WWOX: variants seen among roughly 807,000 people sequenced by gnomAD.
The protein encoded by WWOX is WW domain-containing oxidoreductase.
WWOX carries 69 observed loss-of-function variants against 46.2 expected under a neutral mutation model. That is an observed-to-expected ratio of 1.49 (90% CI 1.23 to 1.82). The LOEUF (loss-of-function observed/expected upper bound fraction) is 1.82, where lower values mean the gene tolerates loss of function less well. WWOX is among the 40% of genes most tolerant of loss of function. The pLI is 0.00. For synonymous variants in WWOX, 359 were observed against 202.6 expected (o/e 1.77, Z -6.56); for missense variants, 919 against 542.6 (o/e 1.69, Z -6.89).
rs554793579 is a variant in WWOX at position 78,989,373 on chromosome 16, T to C, written c.1057-222235T>C. 1.4e-3 allele frequency among the ~76,000 whole-genome samples: 217 copies of C among 152,198 alleles called. 2 individuals are homozygous for C. Among genetic ancestry groups the C allele is most frequent in the Non-Finnish European group, 2.4e-3 (165 of 68,028 alleles). ...TCTTTGCTTCCTTGGATCCCCAAGA[T>C]AGAATGGCCCTGATGCAGTCAAACC... On this transcript the variant is annotated intron_variant, in intron 8 of 8. Coordinates refer to ENST00000566780, the MANE Select transcript of WWOX (RefSeq NM_016373.4).
chr16:78,749,696 T>C (rs1335005261), intron 8 of WWOX, among the ~76,000 whole-genome samples: 1 of 152,166 alleles, frequency 6.6e-6, no homozygotes, highest in Non-Finnish European at 1.5e-5. Context: ...TAGGTGTCAT[T>C]TAATATATAT....
chr16:79,015,461 T>C (rs78196495), intron 8 of WWOX, among the ~76,000 whole-genome samples: 84 of 152,328 alleles, frequency 5.5e-4, no homozygotes, highest in Non-Finnish European at 1.0e-3. Context: ...AACCTGAGTG[T>C]CTGCTGCATA....
At chr16:78,825,316 C>G in intron 8 of WWOX, 1 of 301,084 alleles carries the variant, frequency 3.3e-6, no homozygotes, top group African/African-American at 2.2e-5. Context: ...GGATGTTGGT[C>G]GCTGATGGCA....
intron 8 of WWOX, among the ~76,000 whole-genome samples, chr16:78,998,642 T>G (rs2047035713): frequency 6.6e-6 from 1 of 152,226 alleles, no homozygotes; most frequent in Non-Finnish European, 1.5e-5. Context: ...ATTAGATGAC[T>G]TTGATGTGTG....
chr16:78,416,921 A>T (rs1048092682), intron 6 of WWOX, among the ~76,000 whole-genome samples: 1 of 152,196 alleles, frequency 6.6e-6, no homozygotes, highest in African/African-American at 2.4e-5. Flanking sequence ...TGAGTCAGGT[A>T]AGGAAAATAA....
intron 8 of WWOX, among the ~76,000 whole-genome samples, chr16:78,749,449 C>G (rs895020288): frequency 6.6e-6 from 1 of 152,172 alleles, no homozygotes; most frequent in African/African-American, 2.4e-5. Flanking sequence ...CCAAAATAGT[C>G]AAACTGAGGT....
intron 8 of WWOX, among the ~76,000 whole-genome samples, chr16:79,122,174 C>A (rs1245738826): frequency 6.6e-6 from 1 of 152,236 alleles, no homozygotes; most frequent in Non-Finnish European, 1.5e-5. Context: ...CCGCCACTTG[C>A]TTCTAAACCT....
chr16:78,786,945 A>T (rs2050472143), intron 8 of WWOX, among the ~76,000 whole-genome samples: 2 of 152,160 alleles, frequency 1.3e-5, no homozygotes, highest in Admixed American at 6.5e-5. Flanking sequence ...GTGAAGAGTT[A>T]GAGATGAGCC....
chr16:78,340,028 GGGAC>G (rs201339077), intron 5 of WWOX, among the ~76,000 whole-genome samples: 868 of 38,530 alleles, frequency 0.023, 169 homozygotes, highest in East Asian at 0.13. Flanking sequence ...GGGGGGGGGG[GGGAC>G]GTTTCTATTT....
intron 8 of WWOX, among the ~76,000 whole-genome samples, chr16:78,811,157 A>G (rs868411877): frequency 2.0e-5 from 3 of 152,218 alleles, no homozygotes; most frequent in African/African-American, 7.2e-5. Context: ...TTGGTAATTC[A>G]GTATCCGAAA....
chr16:78,246,520 T>A (rs898742799), intron 5 of WWOX, among the ~76,000 whole-genome samples: 1 of 152,232 alleles, frequency 6.6e-6, no homozygotes, highest in Non-Finnish European at 1.5e-5. Flanking sequence ...CATTTTTGGC[T>A]GATGTTTGGA....
At chr16:78,112,628 A>G (rs2032555425) in intron 3 of WWOX, among the ~76,000 whole-genome samples, 1 of 151,474 alleles carries the variant, frequency 6.6e-6, no homozygotes, top group African/African-American at 2.4e-5. Flanking sequence ...TTCCTCAACT[A>G]ATTAAGGGTA....
chr16:78,511,404 A>T (rs2085357233), intron 8 of WWOX, among the ~76,000 whole-genome samples: 1 of 152,186 alleles, frequency 6.6e-6, no homozygotes, highest in Non-Finnish European at 1.5e-5. Context: ...AGCTGAAAAC[A>T]AAAAGGGAAC....
At chr16:78,160,461 C>A (rs1597287159) in intron 4 of WWOX, among the ~76,000 whole-genome samples, 2 of 152,152 alleles carry the variant, frequency 1.3e-5, no homozygotes, top group South Asian at 4.1e-4. Context: ...TATAGATTTT[C>A]TTTTAACCAT....
intron 5 of WWOX, among the ~76,000 whole-genome samples, chr16:78,165,180 C>G (rs72804974): frequency 0.13 from 20,349 of 152,060 alleles, 1,561 homozygotes; most frequent in South Asian, 0.19. Context: ...AGGGTTTGAG[C>G]TAGAGAGTGA....
chr16:78,669,835 C>G (rs1316697307), intron 8 of WWOX, among the ~76,000 whole-genome samples: 1 of 152,154 alleles, frequency 6.6e-6, no homozygotes, highest in Non-Finnish European at 1.5e-5. Flanking sequence ...AAAATAATCT[C>G]TAATAAGATG....
intron 8 of WWOX, among the ~76,000 whole-genome samples, chr16:79,024,418 C>A (rs545789379): frequency 5.9e-5 from 9 of 152,022 alleles, no homozygotes; most frequent in East Asian, 1.9e-4. Context: ...GCTACCGTGC[C>A]CAGCTGATTT....
At chr16:78,810,479 G>T (rs1479279670) in intron 8 of WWOX, among the ~76,000 whole-genome samples, 1 of 152,120 alleles carries the variant, frequency 6.6e-6, no homozygotes, top group African/African-American at 2.4e-5. Flanking sequence ...GAAGTATTAT[G>T]GGAACCCCCT....
chr16:78,806,596 T>C (rs1303605462), intron 8 of WWOX, among the ~76,000 whole-genome samples: 1 of 152,140 alleles, frequency 6.6e-6, no homozygotes. Flanking sequence ...ATTGTCTCCA[T>C]GTACCCTGAG....
Sources: gnomAD v4.1 joint callset for allele counts (sites outside exome capture counted in the v4.1 genomes callset) on GRCh38, gnomAD v4.1.1 for gene constraint, MANE v1.5 for transcripts, NCBI Gene and HGNC (gene_info 2026-07-23, HGNC 2026-07-21) for gene names.